RELN: variants seen among roughly 807,000 people sequenced by gnomAD.
RELN encodes reelin.
RELN carries 108 observed loss-of-function variants against 427.6 expected under a neutral mutation model. That is an observed-to-expected ratio of 0.25 (90% CI 0.22 to 0.30). The LOEUF is 0.30. RELN is among the 10% of genes least tolerant of loss of function. The pLI is 1.00. For missense variants in RELN, 3,715 were observed against 4,302.8 expected, an observed-to-expected ratio of 0.86 and a Z score of 3.82; for synonymous variants, 1,524 against 1,513.4, an observed-to-expected ratio of 1.01 and a Z score of -0.16.
intron 2 of RELN, among the ~76,000 whole-genome samples, chr7:103,843,525 C>T (rs1041741973): frequency 6.6e-6 from 1 of 152,150 alleles, no homozygotes; most frequent in African/African-American, 2.4e-5. Flanking sequence ...CCAATAGAAA[C>T]CCTGTCCAAA....
intron 28 of RELN, among the ~76,000 whole-genome samples, chr7:103,587,461 G>A (rs1357561198): frequency 1.3e-5 from 2 of 151,922 alleles, no homozygotes; most frequent in African/African-American, 4.8e-5. Context: ...CCTGGATATT[G>A]GTCTAAAAAG....
chr7:103,755,410 A>C (rs780984903), intron 4 of RELN, among the ~76,000 whole-genome samples: 111 of 152,008 alleles, frequency 7.3e-4, no homozygotes, highest in African/African-American at 2.0e-3. Flanking sequence ...AGATCGAGAC[A>C]ATCCTGGCTA....
At chr7:103,766,899 T>C (rs1317764016) in intron 4 of RELN, among the ~76,000 whole-genome samples, 1 of 152,220 alleles carries the variant, frequency 6.6e-6, no homozygotes, top group Non-Finnish European at 1.5e-5. Flanking sequence ...CCTTTAGTTA[T>C]AGCCGCTTCC....
At chr7:103,854,340 T>A (rs1218236196) in intron 2 of RELN, among the ~76,000 whole-genome samples, 1 of 152,218 alleles carries the variant, frequency 6.6e-6, no homozygotes, top group African/African-American at 2.4e-5. Flanking sequence ...TACTTTAAAG[T>A]CACGATTGAA....
At chr7:103,893,566 T>C (rs1342903035) in intron 2 of RELN, among the ~76,000 whole-genome samples, 1 of 152,172 alleles carries the variant, frequency 6.6e-6, no homozygotes, top group Non-Finnish European at 1.5e-5. Flanking sequence ...ATGCTAAAGA[T>C]CTAATGTATA....
chr7:103,848,723 A>C (rs1793742187), intron 2 of RELN, among the ~76,000 whole-genome samples: 1 of 152,176 alleles, frequency 6.6e-6, no homozygotes, highest in African/African-American at 2.4e-5. Flanking sequence ...ACAATGTGGG[A>C]AACTATATAA....
At chr7:103,724,172 C>CT (rs35191248) in intron 7 of RELN, among the ~76,000 whole-genome samples, 75 of 149,230 alleles carry the variant, frequency 5.0e-4, no homozygotes, top group African/African-American at 1.5e-3. Flanking sequence ...ACTTTTGCTG[C>CT]TTTTTTTTTT....
intron 6 of RELN, among the ~76,000 whole-genome samples, chr7:103,734,987 T>C (rs1412902015): frequency 1.3e-5 from 2 of 152,128 alleles, no homozygotes; most frequent in Non-Finnish European, 2.9e-5. Context: ...TACACGACAA[T>C]CATATTCAGT....
chr7:103,676,335 G>T (rs373791800), intron 11 of RELN, among the ~76,000 whole-genome samples: 5 of 151,936 alleles, frequency 3.3e-5, no homozygotes, highest in Non-Finnish European at 5.9e-5. Flanking sequence ...CAAAACCACA[G>T]TGAGATACCA....
chr7:103,661,066 G>A (rs779971189), intron 12 of RELN, among the ~76,000 whole-genome samples: 9 of 152,068 alleles, frequency 5.9e-5, no homozygotes, highest in African/African-American at 2.2e-4. Flanking sequence ...AAAAGAAATC[G>A]CTTTGTTTTA....
intron 3 of RELN, among the ~76,000 whole-genome samples, chr7:103,787,319 C>A (rs910493131): frequency 2.6e-5 from 4 of 151,816 alleles, no homozygotes; most frequent in African/African-American, 9.7e-5. Flanking sequence ...AATTCAAAAG[C>A]TAACAGAAGA....
chr7:103,918,962 T>C (rs895493751), intron 1 of RELN, among the ~76,000 whole-genome samples: 1 of 152,002 alleles, frequency 6.6e-6, no homozygotes, highest in African/African-American at 2.4e-5. Flanking sequence ...AAGAAAAAAA[T>C]ACTTGTTTGA....
chr7:103,540,548 GA>G (rs1270753638), intron 43 of RELN, 93 bp from the exon 44 acceptor site: 4 of 1,154,162 alleles, frequency 3.5e-6, no homozygotes, highest in Non-Finnish European at 5.1e-6. Context: ...GCAGGGGAAC[GA>G]AAGGCCTCAA....
chr7:103,902,982 G>A (rs1795115374), intron 2 of RELN, among the ~76,000 whole-genome samples: 2 of 151,984 alleles, frequency 1.3e-5, no homozygotes, highest in African/African-American at 4.8e-5. Flanking sequence ...TTAACTGCCA[G>A]GAAAAGTCAA....
chr7:103,822,481 T>G (rs1793038266), intron 3 of RELN, among the ~76,000 whole-genome samples: 2 of 152,052 alleles, frequency 1.3e-5, no homozygotes, highest in Non-Finnish European at 2.9e-5. Context: ...AATATAAAGC[T>G]AGCTGTCACC....
At position 103,941,643 on chromosome 7, in the gene RELN, T is replaced by G. The variant is rs141968865; in HGVS notation, c.227-24458A>C. Among the ~76,000 whole-genome samples the G allele has an allele frequency of 1.5e-3, 221 of 152,316 alleles. 3 individuals carry two copies. The East Asian group carries it at 0.035, about 24-fold the overall frequency. On this transcript the variant is annotated intron_variant, in intron 1 of 64. Coordinates refer to ENST00000428762, the MANE Select transcript of RELN (RefSeq NM_005045.4). ...AAATGTTCTAGAAAAAAGATAAAAT[T>G]ATTTGAAACATCATCATCCAGAAAT...
At chr7:103,849,812 T>A (rs1487981836) in intron 2 of RELN, among the ~76,000 whole-genome samples, 2 of 152,168 alleles carry the variant, frequency 1.3e-5, no homozygotes, top group Non-Finnish European at 2.9e-5. Context: ...ACCACATATA[T>A]CCTGAAAAGC....
chr7:103,773,166 T>TTTTC (rs1359798795), intron 4 of RELN, among the ~76,000 whole-genome samples: 3 of 82,482 alleles, frequency 3.6e-5, no homozygotes, highest in Admixed American at 1.3e-4. Context: ...CTTTCTTTCT[T>TTTTC]TTTCTTTCTT....
chr7:103,710,734 A>G (rs796991053), intron 8 of RELN, among the ~76,000 whole-genome samples: 6 of 152,330 alleles, frequency 3.9e-5, no homozygotes, highest in African/African-American at 1.4e-4. Context: ...AATTGTTGTC[A>G]CAGGAAAGGT....
Sources: allele counts gnomAD v4.1 joint callset (sites outside exome capture counted in the v4.1 genomes callset), GRCh38; gene constraint gnomAD v4.1.1; transcripts MANE v1.5; gene names NCBI Gene and HGNC (gene_info 2026-07-23, HGNC 2026-07-21).